Variants in PROSER3 observed in about 807,000 individuals in gnomAD.
PROSER3 encodes proline and serine rich 3.
PROSER3 carries 33 observed loss-of-function variants against 50.2 expected under a neutral mutation model. That is an observed-to-expected ratio of 0.66 (90% CI 0.50 to 0.88). The LOEUF (loss-of-function observed/expected upper bound fraction) is 0.88, where lower values mean the gene tolerates loss of function less well. Among genes scored for constraint, PROSER3 ranks in the 40% least tolerant of loss-of-function variants. The pLI, the probability that PROSER3 is intolerant of heterozygous loss-of-function variation, is 0.00. For synonymous variants in PROSER3, 266 were observed against 259.3 expected (o/e 1.03, Z -0.25); for missense variants, 623 against 612.7 (o/e 1.02, Z -0.18).
intron 5 of PROSER3, among the ~76,000 whole-genome samples, chr19:35,763,757 C>T (rs1227705838): frequency 4.6e-5 from 7 of 151,232 alleles, no homozygotes; most frequent in Admixed American, 2.0e-4. Flanking sequence ...CCACCCACCT[C>T]GGCCTCCCAA....
exon 1 of PROSER3, chr19:35,758,221 C>A: frequency 1.3e-6 from 2 of 1,562,546 alleles, no homozygotes; most frequent in South Asian, 1.2e-5. Context: ...GCGGGATGGA[C>A]CGCAGGTGAG....
At chr19:35,770,258 G>C (rs1397792778), downstream of PROSER3, among the ~76,000 whole-genome samples, 2 of 151,742 alleles carry the variant, frequency 1.3e-5, no homozygotes, top group African/African-American at 4.8e-5. Flanking sequence ...GGCTGGTCTC[G>C]AACTCCTAAC....
At chr19:35,763,867 A>G (rs1390061200) in intron 5 of PROSER3, among the ~76,000 whole-genome samples, 2 of 149,782 alleles carry the variant, frequency 1.3e-5, no homozygotes, top group Admixed American at 6.7e-5. Flanking sequence ...CAGTGGCACA[A>G]TCATGGCTCA....
At chr19:35,766,875 C>T (rs374887676) in exon 8 of PROSER3, 16 of 1,551,846 alleles carry the variant, frequency 1.0e-5, no homozygotes, top group African/African-American at 1.4e-5. Flanking sequence ...GTGGCGGCAG[C>T]GGCGGAAGCT....
chr19:35,759,682 G>A, intron 2 of PROSER3, 107 bp from the exon 3 acceptor site: 1 of 1,141,812 alleles, frequency 8.8e-7, no homozygotes, highest in Non-Finnish European at 1.3e-6. Context: ...ATTACAGGAT[G>A]TGTTTCCTCC....
At chr19:35,767,666 T>C in intron 8 of PROSER3, 1 of 1,149,488 alleles carries the variant, frequency 8.7e-7, no homozygotes, top group Non-Finnish European at 1.2e-6. Flanking sequence ...AGCTCGGCTG[T>C]TCCCTGACAG....
Position 35,767,747 on chromosome 19 carries a change from A to G in PROSER3, c.958-57A>G. 1.9e-6 allele frequency: 3 copies of G among 1,559,694 alleles called. No individual in the cohort carries two copies. The South Asian group carries it at 3.6e-5, about 19-fold the overall frequency. On this transcript the variant is annotated intron_variant, in intron 8 of 10. Coordinates refer to ENST00000396908, the Ensembl canonical transcript of PROSER3. ...GGCTGGATCTCCGAAAGTCCAGGCC[A>G]CACAACCCCAAACCAAGGTCACTCC...
chr19:35,767,986 C>T, exon 9 of PROSER3: 1 of 1,596,708 alleles, frequency 6.3e-7, no homozygotes, highest in Non-Finnish European at 8.5e-7. Context: ...AGGCCCTGGC[C>T]CCGCCCCCGC....
chr19:35,766,938 C>G, exon 8 of PROSER3: 1 of 1,554,082 alleles, frequency 6.4e-7, no homozygotes, highest in Non-Finnish European at 8.7e-7. Context: ...GCCTCTGACC[C>G]CTGCCCTCCG....
In PROSER3 at chr19:35,768,977, C is replaced by T. The variant is rs377615838; in HGVS notation, c.*432C>T. ...GACCCCTCCCTCCTTGAAGCACTTT[C>T]TCTCCCTGCTTCCAGCCCTTCTCTC... is the stretch of plus-strand genomic sequence containing the variant. On this transcript the variant is annotated 3_prime_UTR_variant, in exon 11 of 11. Transcript: ENST00000396908. The T allele has an allele frequency of 1.0e-4, 16 of 155,330 alleles. No individual in the cohort carries two copies. In the East Asian group the frequency reaches 2.7e-3, roughly 26 times the overall value. The allele number at this position is 155,330 out of a possible 1,614,324, so 9.6% of individuals were successfully genotyped here. A position where few individuals can be genotyped will look rare whatever the true frequency, so the allele number is the denominator to read the frequency against.
chr19:35,768,810 TC>T (rs1971261314), exon 11 of PROSER3: 3 of 316,862 alleles, frequency 9.5e-6, no homozygotes, highest in Non-Finnish European at 1.7e-5. Flanking sequence ...ACCCACCTTA[TC>T]TGGCTTCACT....
intron 2 of PROSER3, 108 bp downstream of exon 2, chr19:35,759,578 A>C (rs1312949041): frequency 2.6e-6 from 3 of 1,157,840 alleles, no homozygotes; most frequent in Non-Finnish European, 3.7e-6. Flanking sequence ...GATTTAAGAG[A>C]CAGCCCCTTG....
At chr19:35,761,424 C>T (rs1352515480) in intron 3 of PROSER3, among the ~76,000 whole-genome samples, 1 of 152,134 alleles carries the variant, frequency 6.6e-6, no homozygotes, top group African/African-American at 2.4e-5. Context: ...GTAATTCCAG[C>T]ACTTTGGGAG....
chr19:35,767,847 C>T, exon 9 of PROSER3: 1 of 1,613,044 alleles, frequency 6.2e-7, no homozygotes, highest in South Asian at 1.1e-5. Flanking sequence ...GCAGCGGGGT[C>T]AGTGATACGG....
At position 35,768,246 on chromosome 19, in the gene PROSER3, C is replaced by T. The variant is rs1289912234; in HGVS notation, c.1301+10C>T. Reference sequence around the variant, plus strand: ...TGAGTCGGCAGAAAAGGTGACCGACCCTCCATCCCCAGAGTCTATGACACT... The same window carrying T: ...TGAGTCGGCAGAAAAGGTGACCGACTCTCCATCCCCAGAGTCTATGACACT... On this transcript the variant is annotated intron_variant, in intron 10 of 10. Transcript: ENST00000396908. The T allele has an allele frequency of 7.5e-6, 12 of 1,608,138 alleles. No homozygotes were observed. In the Admixed American group the frequency reaches 8.4e-5, roughly 11 times the overall value.
At position 35,759,781 on chromosome 19, in the gene PROSER3, G is replaced by T. The variant is rs1192715122; in HGVS notation, c.109-8G>T. On this transcript the variant is annotated splice_polypyrimidine_tract_variant and splice_region_variant and intron_variant, in intron 2 of 10. Transcript: ENST00000396908. Reference sequence around the variant, plus strand: ...ACTTTTTCTTCTTGTGCTCTTCCCTGATCTTAGACCCTGAGCCCATCCAGG... The same window carrying T: ...ACTTTTTCTTCTTGTGCTCTTCCCTTATCTTAGACCCTGAGCCCATCCAGG... The T allele has an allele frequency of 6.4e-7, 1 of 1,555,748 alleles. No individual in the cohort carries two copies.
chr19:35,762,560 AAAAG>A (rs1175708524), intron 5 of PROSER3: 29 of 505,574 alleles, frequency 5.7e-5, no homozygotes, highest in Middle Eastern at 5.2e-4. Context: ...AAAAAAAAAA[AAAAG>A]AGAGAGAGAG....
chr19:35,761,871 A>G, intron 3 of PROSER3, 148 bp from the exon 4 acceptor site: 2 of 998,736 alleles, frequency 2.0e-6, no homozygotes, highest in East Asian at 2.9e-5. Flanking sequence ...AAAAACAGTT[A>G]TGTGACTATA....
intron 8 of PROSER3, chr19:35,767,347 G>A (rs879381764): frequency 4.2e-4 from 110 of 259,102 alleles, no homozygotes; most frequent in African/African-American, 2.3e-3. Flanking sequence ...TCGCGCCCCC[G>A]GCTTCCCTGG....
Sources: gnomAD v4.1 joint callset for allele counts (sites outside exome capture counted in the v4.1 genomes callset) on GRCh38, gnomAD v4.1.1 for gene constraint, MANE v1.5 for transcripts, NCBI Gene and HGNC (gene_info 2026-07-23, HGNC 2026-07-21) for gene names.